DLGAP2: variants seen among roughly 807,000 people sequenced by gnomAD.
The protein encoded by DLGAP2 is DLG associated protein 2, also known as disks large-associated protein 2.
Under a neutral mutation model 100.3 loss-of-function variants are expected in DLGAP2, and 26 were observed. The ratio of observed to expected loss-of-function variants is 0.26; its 90% CI spans 0.19 to 0.36. DLGAP2 has a LOEUF of 0.36. DLGAP2 is among the 10% of genes least tolerant of loss of function. The pLI, the probability that DLGAP2 is intolerant of heterozygous loss-of-function variation, is 1.00. For missense variants in DLGAP2, 1,858 were observed against 1,453.2 expected (o/e 1.28, Z -4.53); for synonymous variants, 886 against 630.1 (o/e 1.41, Z -6.08).
At chr8:1,499,959 G>A (rs1350774225) in intron 3 of DLGAP2, among the ~76,000 whole-genome samples, 5 of 127,298 alleles carry the variant, frequency 3.9e-5, no homozygotes, top group African/African-American at 1.5e-4. Flanking sequence ...ACTACAGCCT[G>A]GCTAACTGCA....
chr8:779,176 G>C (rs766954767), intron 1 of DLGAP2, among the ~76,000 whole-genome samples: 62 of 152,364 alleles, frequency 4.1e-4, no homozygotes, highest in Non-Finnish European at 6.9e-4. Context: ...CCCGAGTGAG[G>C]CAATGCCTCG....
chr8:756,985 A>T lies in DLGAP2; in HGVS notation c.18+19160A>T, dbSNP rs553478238. On this transcript the variant is annotated intron_variant, in intron 1 of 14. Coordinates refer to ENST00000637795, the MANE Select transcript of DLGAP2 (RefSeq NM_001346810.2). The stretch of plus-strand genomic sequence containing the variant: ...TGTCCTCTTTCCTGGGGTGCCCGCA[A>T]TGGGTCTTCCGGAATGTTTGCCTCA... 3.3e-5 allele frequency among the ~76,000 whole-genome samples: 5 copies of T among 152,222 alleles called. No individual in the cohort carries two copies. In the East Asian group the frequency reaches 9.7e-4, roughly 29 times the overall value.
intron 2 of DLGAP2, among the ~76,000 whole-genome samples, chr8:1,076,828 C>A (rs573949221): frequency 6.7e-5 from 10 of 150,308 alleles, no homozygotes; most frequent in South Asian, 6.4e-4. Context: ...AGGCCCCCCC[C>A]CAAGACCAAG....
In DLGAP2 at chr8:830,313, A is replaced by C. The variant is rs554674277; in HGVS notation, c.19-77599A>C. Among the ~76,000 whole-genome samples the C allele has an allele frequency of 3.9e-5, 6 of 152,306 alleles. No individual in the cohort carries two copies. The East Asian group carries it at 9.6e-4, about 24-fold the overall frequency. On this transcript the variant is annotated intron_variant, in intron 1 of 14. Transcript: ENST00000637795. ...CCTTTTTGTTACAAACAATCCAATT[A>C]TACCCTTTTAGATATTTAAAAATGT...
At chr8:1,506,000 A>C (rs1038470565) in intron 4 of DLGAP2, among the ~76,000 whole-genome samples, 1 of 152,244 alleles carries the variant, frequency 6.6e-6, no homozygotes, top group African/African-American at 2.4e-5. Flanking sequence ...GCAGCACAAC[A>C]CTGAGAAAAT....
chr8:1,021,985 T>G (rs1801635998), intron 2 of DLGAP2, among the ~76,000 whole-genome samples: 1 of 152,194 alleles, frequency 6.6e-6, no homozygotes, highest in Non-Finnish European at 1.5e-5. Flanking sequence ...CATGGCCAAG[T>G]TGCATGTGCG....
At chr8:1,624,627 G>T (rs1036586909) in intron 6 of DLGAP2, among the ~76,000 whole-genome samples, 1 of 151,868 alleles carries the variant, frequency 6.6e-6, no homozygotes, top group African/African-American at 2.4e-5. Context: ...ATCCGTGTTA[G>T]CTCGCCTTCT....
chr8:754,610 C>T (rs1030098807), intron 1 of DLGAP2, among the ~76,000 whole-genome samples: 1 of 152,220 alleles, frequency 6.6e-6, no homozygotes, highest in Non-Finnish European at 1.5e-5. Flanking sequence ...TCCCAGTGCT[C>T]TGCGAGGCCA....
intron 2 of DLGAP2, among the ~76,000 whole-genome samples, chr8:936,079 G>A (rs979936865): frequency 3.9e-5 from 6 of 152,140 alleles, no homozygotes; most frequent in Non-Finnish European, 8.8e-5. Context: ...AGCACGTTGT[G>A]GGTTGAGCTG....
chr8:864,785 C>T (rs1797463901), intron 1 of DLGAP2, among the ~76,000 whole-genome samples: 2 of 152,020 alleles, frequency 1.3e-5, no homozygotes, highest in Non-Finnish European at 2.9e-5. Context: ...TGCGTTAACA[C>T]TGAGAATTTG....
At chr8:1,627,189 C>G (rs1245838658) in intron 7 of DLGAP2, among the ~76,000 whole-genome samples, 1 of 152,244 alleles carries the variant, frequency 6.6e-6, no homozygotes, top group Non-Finnish European at 1.5e-5. Flanking sequence ...TGTCTTCCTT[C>G]TTCCCAGGCT....
At chr8:1,644,025 C>T (rs71499034) in intron 8 of DLGAP2, among the ~76,000 whole-genome samples, 1,134 of 13,358 alleles carry the variant, frequency 0.085, 117 homozygotes, top group South Asian at 0.15. Context: ...ACCCCGCCGG[C>T]CCTCACCTGT....
chr8:1,078,937 A>G (rs922279466), intron 2 of DLGAP2, among the ~76,000 whole-genome samples: 1 of 152,196 alleles, frequency 6.6e-6, no homozygotes, highest in Non-Finnish European at 1.5e-5. Flanking sequence ...CAGTTACTGG[A>G]TTGTCTAGTA....
intron 6 of DLGAP2, among the ~76,000 whole-genome samples, chr8:1,586,741 C>T (rs1240913172): frequency 1.3e-5 from 2 of 152,208 alleles, no homozygotes; most frequent in African/African-American, 2.4e-5. Context: ...GTGACTTTAA[C>T]ATTACCGTTG....
chr8:1,468,701 G>C (rs1252005542), intron 3 of DLGAP2, among the ~76,000 whole-genome samples: 1 of 152,204 alleles, frequency 6.6e-6, no homozygotes, highest in Non-Finnish European at 1.5e-5. Context: ...CCTGGGCAGT[G>C]TAAACCACAG....
At chr8:1,521,900 G>C (rs201652087) in intron 4 of DLGAP2, among the ~76,000 whole-genome samples, 1 of 144,916 alleles carries the variant, frequency 6.9e-6, no homozygotes, top group Non-Finnish European at 1.5e-5. Flanking sequence ...TGGAATACTC[G>C]GGTGGCAGGT....
At chr8:1,261,985 A>G (rs1234377786) in intron 3 of DLGAP2, among the ~76,000 whole-genome samples, 3 of 152,192 alleles carry the variant, frequency 2.0e-5, no homozygotes, top group Non-Finnish European at 4.4e-5. Flanking sequence ...GCACCACCTC[A>G]TTTAGCATCT....
chr8:825,626 G>T (rs1049957037), intron 1 of DLGAP2, among the ~76,000 whole-genome samples: 1 of 152,124 alleles, frequency 6.6e-6, no homozygotes, highest in Non-Finnish European at 1.5e-5. Context: ...TTCCTCTTCA[G>T]TCTGAAGTTT....
intron 2 of DLGAP2, among the ~76,000 whole-genome samples, chr8:974,113 G>A (rs963092411): frequency 6.6e-6 from 1 of 152,172 alleles, no homozygotes; most frequent in African/African-American, 2.4e-5. Flanking sequence ...TGTAGTAAAA[G>A]TTGATGAGAA....
Sources: allele counts gnomAD v4.1 joint callset (sites outside exome capture counted in the v4.1 genomes callset), GRCh38; gene constraint gnomAD v4.1.1; transcripts MANE v1.5; gene names NCBI Gene and HGNC (gene_info 2026-07-23, HGNC 2026-07-21).